NRF1: variants seen among roughly 807,000 people sequenced by gnomAD.
NRF1 encodes alpha palindromic-binding protein.
NRF1 carries 5 observed loss-of-function variants against 58.5 expected under a neutral mutation model. The ratio of observed to expected loss-of-function variants is 0.09; its 90% CI spans 0.04 to 0.18. The LOEUF (loss-of-function observed/expected upper bound fraction) is 0.18. Ranked by LOEUF, NRF1 falls within the 10% of genes least tolerant of loss-of-function variation. The pLI, the probability that NRF1 is intolerant of heterozygous loss-of-function variation, is 1.00. For synonymous variants in NRF1, 224 were observed against 246.7 expected (o/e 0.91, Z 0.86); for missense variants, 288 against 657.7 (o/e 0.44, Z 6.15).
chr7:129,634,057 TATATACAC>T (rs1801117334), intron 1 of NRF1, among the ~76,000 whole-genome samples: 2 of 114,450 alleles, frequency 1.7e-5, no homozygotes, highest in African/African-American at 6.9e-5. Context: ...TATATATATA[TATATACAC>T]ACACACACAC....
At chr7:129,731,908 C>T (rs983653382) in intron 10 of NRF1, among the ~76,000 whole-genome samples, 2 of 152,128 alleles carry the variant, frequency 1.3e-5, no homozygotes, top group Non-Finnish European at 2.9e-5. Context: ...CCACTACACC[C>T]GGCCCTTTAC....
chr7:129,628,034 C>CTTTT (rs67262888), intron 1 of NRF1, among the ~76,000 whole-genome samples: 2 of 72,056 alleles, frequency 2.8e-5, no homozygotes, highest in African/African-American at 4.7e-5. Flanking sequence ...GCCAATGGTT[C>CTTTT]TTTTTTTTTT....
intron 9 of NRF1, among the ~76,000 whole-genome samples, chr7:129,724,962 T>A (rs971176512): frequency 1.1e-4 from 17 of 152,134 alleles, no homozygotes; most frequent in Admixed American, 1.1e-3. Context: ...TAGTTCCAGC[T>A]ATTTGCGTCA....
At chr7:129,675,169 A>G (rs550649388) in intron 3 of NRF1, among the ~76,000 whole-genome samples, 5 of 152,302 alleles carry the variant, frequency 3.3e-5, no homozygotes, top group Admixed American at 6.5e-5. Context: ...CCTCTCATCC[A>G]TTGGAATTTT....
chr7:129,645,645 A>G (rs1801388687), intron 1 of NRF1, among the ~76,000 whole-genome samples: 1 of 152,064 alleles, frequency 6.6e-6, no homozygotes, highest in South Asian at 2.1e-4. Context: ...ATGACAAATT[A>G]TTTTCTGTTT....
At chr7:129,697,527 G>A (rs1279408627) in intron 5 of NRF1, among the ~76,000 whole-genome samples, 8 of 148,776 alleles carry the variant, frequency 5.4e-5, no homozygotes, top group African/African-American at 1.2e-4. Flanking sequence ...CAGCTTGGGC[G>A]ACAGAGTGAG....
In NRF1 at chr7:129,717,334, A is replaced by G; in HGVS notation, c.1181A>G (p.Gln394Arg). 6.2e-7 allele frequency: 1 copy of G among 1,613,976 alleles called. No homozygotes were observed. Among genetic ancestry groups the G allele is most frequent in the Non-Finnish European group, 8.5e-7 (1 of 1,179,942 alleles). Residue 394 changes from glutamine (Q) to arginine (R), a missense_variant, in exon 9 of 11, where the codon CAG becomes CGG. By Grantham distance (43) the Gln-to-Arg change is conservative (BLOSUM62 1). Around this residue, in one of 3 missense-constraint regions of NRF1, gnomAD observed 212 missense variants for 559.7 expected, o/e 0.38. Transcript: ENST00000393232. The part of the protein sequence containing the change: ...SLAEAAVAAS[Q>R]EMQQGATVTM... Reference sequence around the variant, plus strand: ...GCAGAGGCCGCAGTGGCAGCTTCTCAGGAGATGCAGCAGGGAGCTACAGTC... The same window carrying G: ...GCAGAGGCCGCAGTGGCAGCTTCTCGGGAGATGCAGCAGGGAGCTACAGTC...
chr7:129,754,512 G>A (rs1306060138), intron 10 of NRF1, among the ~76,000 whole-genome samples: 1 of 126,290 alleles, frequency 7.9e-6, no homozygotes, highest in African/African-American at 3.2e-5. Flanking sequence ...TGATTTCCTA[G>A]AAGTAGAGAG....
At chr7:129,700,574 G>A (rs1350714817) in intron 5 of NRF1, among the ~76,000 whole-genome samples, 6 of 152,164 alleles carry the variant, frequency 3.9e-5, no homozygotes, top group Non-Finnish European at 8.8e-5. Flanking sequence ...ATCAAAAAAT[G>A]TTTACATATA....
chr7:129,617,802 A>G (rs1421792335), intron 1 of NRF1, among the ~76,000 whole-genome samples: 1 of 152,204 alleles, frequency 6.6e-6, no homozygotes, highest in Non-Finnish European at 1.5e-5. Flanking sequence ...AAGTTTGAGT[A>G]GGACTTGGAA....
At chr7:129,647,886 T>C (rs1167697057) in intron 1 of NRF1, among the ~76,000 whole-genome samples, 2 of 152,254 alleles carry the variant, frequency 1.3e-5, no homozygotes, top group African/African-American at 2.4e-5. Context: ...CTTCTAAACT[T>C]GAACTGTGCT....
At chr7:129,618,060 A>G (rs573239442) in intron 1 of NRF1, among the ~76,000 whole-genome samples, 2 of 152,228 alleles carry the variant, frequency 1.3e-5, no homozygotes, top group Non-Finnish European at 2.9e-5. Flanking sequence ...AAAAGATGAC[A>G]TGTAAAGATT....
At chr7:129,656,460 G>A (rs989322719) in intron 1 of NRF1, among the ~76,000 whole-genome samples, 3 of 151,308 alleles carry the variant, frequency 2.0e-5, no homozygotes, top group Non-Finnish European at 4.4e-5. Flanking sequence ...GGGTGGGGGG[G>A]AGTGGAGATT....
At chr7:129,746,658 TCTTA>T (rs1270946100) in intron 10 of NRF1, among the ~76,000 whole-genome samples, 1 of 152,242 alleles carries the variant, frequency 6.6e-6, no homozygotes, top group Non-Finnish European at 1.5e-5. Flanking sequence ...GAATTTAATT[TCTTA>T]CTCACGTATT....
intron 1 of NRF1, among the ~76,000 whole-genome samples, chr7:129,627,092 T>C (rs1800936342): frequency 6.6e-6 from 1 of 152,266 alleles, no homozygotes; most frequent in African/African-American, 2.4e-5. Context: ...CCACCACTGC[T>C]AGCAGTTTCT....
At chr7:129,695,517 A>C (rs554987553) in intron 5 of NRF1, among the ~76,000 whole-genome samples, 1 of 151,034 alleles carries the variant, frequency 6.6e-6, no homozygotes, top group African/African-American at 2.4e-5. Context: ...CGGAGGTTAC[A>C]TTGAGCCGAG....
intron 5 of NRF1, among the ~76,000 whole-genome samples, chr7:129,705,342 G>C (rs1484455475): frequency 9.9e-5 from 15 of 152,096 alleles, no homozygotes; most frequent in Non-Finnish European, 2.2e-4. Context: ...CCAGGCTGGA[G>C]TGTAGTTGAG....
intron 5 of NRF1, among the ~76,000 whole-genome samples, chr7:129,706,627 A>C (rs1802956091): frequency 6.6e-6 from 1 of 152,184 alleles, no homozygotes; most frequent in Non-Finnish European, 1.5e-5. Flanking sequence ...GTAGGGTAGG[A>C]GTTTAAGTGA....
At chr7:129,664,701 C>T (rs2001331) in intron 2 of NRF1, among the ~76,000 whole-genome samples, 1 of 152,152 alleles carries the variant, frequency 6.6e-6, no homozygotes, top group Non-Finnish European at 1.5e-5. Flanking sequence ...AGTGTTAAGA[C>T]CAGGCAAAGA....
Sources: gnomAD v4.1 joint callset for allele counts (sites outside exome capture counted in the v4.1 genomes callset) on GRCh38, gnomAD v4.1.1 for gene constraint, gnomAD v4.1.1 regional missense constraint, MANE v1.5 for transcripts, NCBI Gene and HGNC (gene_info 2026-07-23, HGNC 2026-07-21) for gene names.